The following ADAMTSL1 variants were observed in gnomAD, a reference collection of about 807,000 sequenced individuals.
The protein encoded by ADAMTSL1 is ADAMTS like 1, also known as ADAMTS-like protein 1.
Under a neutral mutation model 201.8 loss-of-function variants are expected in ADAMTSL1, and 126 were observed. The observed-to-expected ratio is 0.62, with a 90% confidence interval of 0.54 to 0.72. ADAMTSL1 has a LOEUF of 0.72. Ranked by LOEUF, ADAMTSL1 falls within the 30% of genes least tolerant of loss-of-function variation. The pLI, the probability that ADAMTSL1 is intolerant of heterozygous loss-of-function variation, is 0.00. For synonymous variants in ADAMTSL1, 1,121 were observed against 903.4 expected, an observed-to-expected ratio of 1.24 and a Z score of -4.32; for missense variants, 2,679 against 2,277.8, an observed-to-expected ratio of 1.18 and a Z score of -3.59.
intron 23 of ADAMTSL1, among the ~76,000 whole-genome samples, chr9:18,846,972 T>C (rs1347305086): frequency 6.6e-6 from 1 of 152,160 alleles, no homozygotes. Flanking sequence ...TTAGAATAAA[T>C]TGAGAGCTAC....
chr9:18,220,675 C>T (rs1830222938), intron 2 of ADAMTSL1, among the ~76,000 whole-genome samples: 1 of 151,958 alleles, frequency 6.6e-6, no homozygotes, highest in Admixed American at 6.6e-5. Context: ...CATGCATTTC[C>T]TCCTTTCTCT....
chr9:18,802,135 G>C (rs905813250), intron 20 of ADAMTSL1, among the ~76,000 whole-genome samples: 69 of 151,994 alleles, frequency 4.5e-4, no homozygotes, highest in Non-Finnish European at 3.5e-4. Flanking sequence ...ATCAACACAG[G>C]TGTGGTGGCA....
At chr9:18,882,579 C>G (rs1828598723) in intron 23 of ADAMTSL1, among the ~76,000 whole-genome samples, 1 of 152,100 alleles carries the variant, frequency 6.6e-6, no homozygotes, top group Non-Finnish European at 1.5e-5. Flanking sequence ...CTCCCCAAGG[C>G]CATTTCTACA....
chr9:18,349,294 G>C (rs1835858281), intron 2 of ADAMTSL1, among the ~76,000 whole-genome samples: 1 of 152,212 alleles, frequency 6.6e-6, no homozygotes, highest in Admixed American at 6.5e-5. Flanking sequence ...AGTAAATTCA[G>C]ATAGCCACAT....
intron 4 of ADAMTSL1, among the ~76,000 whole-genome samples, chr9:18,618,374 T>A (rs1825828768): frequency 6.6e-6 from 1 of 152,136 alleles, no homozygotes; most frequent in Non-Finnish European, 1.5e-5. Flanking sequence ...CAGCAGCGTT[T>A]ATTGTGCATC....
At chr9:18,594,700 A>C (rs1176474741) in intron 4 of ADAMTSL1, among the ~76,000 whole-genome samples, 2 of 152,080 alleles carry the variant, frequency 1.3e-5, no homozygotes, top group Non-Finnish European at 2.9e-5. Context: ...TCTCTGATAA[A>C]TTTTTGAATG....
At chr9:18,872,323 G>T (rs1827915111) in intron 23 of ADAMTSL1, among the ~76,000 whole-genome samples, 2 of 152,102 alleles carry the variant, frequency 1.3e-5, no homozygotes, top group African/African-American at 4.8e-5. Context: ...GGGATTATTA[G>T]AAATTACCTT....
intron 2 of ADAMTSL1, among the ~76,000 whole-genome samples, chr9:18,217,066 C>T (rs1389634794): frequency 6.6e-6 from 1 of 152,020 alleles, no homozygotes; most frequent in Admixed American, 6.6e-5. Context: ...AATAAGTGAC[C>T]AGGAAGCCCC....
chr9:18,629,139 C>G (rs557681097), intron 5 of ADAMTSL1, among the ~76,000 whole-genome samples: 48 of 152,220 alleles, frequency 3.2e-4, no homozygotes, highest in African/African-American at 1.1e-3. Context: ...CACTCAATAC[C>G]TCTGAGTTTT....
chr9:18,403,511 C>G (rs536832606), intron 2 of ADAMTSL1, among the ~76,000 whole-genome samples: 2 of 152,122 alleles, frequency 1.3e-5, no homozygotes, highest in Non-Finnish European at 2.9e-5. Context: ...AAGTTAGCTC[C>G]TCAAGGAAGG....
intron 2 of ADAMTSL1, among the ~76,000 whole-genome samples, chr9:18,430,381 A>G (rs897578989): frequency 6.6e-6 from 1 of 151,832 alleles, no homozygotes; most frequent in African/African-American, 2.4e-5. Flanking sequence ...AGCATTACTC[A>G]CTCTTTTCTT....
intron 1 of ADAMTSL1, among the ~76,000 whole-genome samples, chr9:18,138,185 AGTATTAAATGAG>A (rs1443675372): frequency 2.0e-5 from 3 of 152,184 alleles, no homozygotes; most frequent in Admixed American, 6.5e-5. Flanking sequence ...GCGAAAAGTA[AGTATTAAATGAG>A]GCAATATGTG....
chr9:18,740,640 A>G (rs1818777117), intron 15 of ADAMTSL1, among the ~76,000 whole-genome samples: 3 of 151,284 alleles, frequency 2.0e-5, no homozygotes, highest in Non-Finnish European at 4.4e-5. Context: ...CCAAGCCCAG[A>G]TCATTTTTGT....
intron 23 of ADAMTSL1, among the ~76,000 whole-genome samples, chr9:18,861,371 C>G (rs979583099): frequency 3.9e-5 from 6 of 152,184 alleles, no homozygotes; most frequent in Non-Finnish European, 7.4e-5. Context: ...AAGGAGACTG[C>G]ATTGGTTTTA....
chr9:18,525,120 C>T (rs988152672), intron 2 of ADAMTSL1, among the ~76,000 whole-genome samples: 3 of 152,096 alleles, frequency 2.0e-5, no homozygotes, highest in Admixed American at 1.3e-4. Flanking sequence ...AATTTCAGAG[C>T]CTGTTATTGG....
chr9:18,279,518 G>C (rs1486237521), intron 2 of ADAMTSL1, among the ~76,000 whole-genome samples: 2 of 151,412 alleles, frequency 1.3e-5, no homozygotes, highest in African/African-American at 4.9e-5. Flanking sequence ...ATTTGAAAAA[G>C]CAGGCACTTC....
At chr9:18,421,772 T>A (rs1335165655) in intron 2 of ADAMTSL1, among the ~76,000 whole-genome samples, 1 of 152,146 alleles carries the variant, frequency 6.6e-6, no homozygotes, top group Admixed American at 6.5e-5. Flanking sequence ...ATGAATGAAG[T>A]ATGAAATAAA....
chr9:18,310,292 C>G (rs1415865494), intron 2 of ADAMTSL1, among the ~76,000 whole-genome samples: 1 of 132,684 alleles, frequency 7.5e-6, no homozygotes, highest in Non-Finnish European at 1.6e-5. Flanking sequence ...CACTTCATGA[C>G]TAAAACACCA....
intron 2 of ADAMTSL1, among the ~76,000 whole-genome samples, chr9:18,276,365 A>G (rs981916987): frequency 6.6e-6 from 1 of 152,166 alleles, no homozygotes; most frequent in African/African-American, 2.4e-5. Flanking sequence ...TGCAATGTAT[A>G]TATTTTCATT....
Sources: gnomAD v4.1 joint callset for allele counts (sites outside exome capture counted in the v4.1 genomes callset) on GRCh38, gnomAD v4.1.1 for gene constraint, MANE v1.5 for transcripts, NCBI Gene and HGNC (gene_info 2026-07-23, HGNC 2026-07-21) for gene names.